PTRH2: variants seen among roughly 807,000 people sequenced by gnomAD.
The protein encoded by PTRH2 is peptidyl-tRNA hydrolase 2, mitochondrial.
PTRH2 carries 10 observed loss-of-function variants against 12.3 expected under a neutral mutation model. The observed-to-expected ratio is 0.81, with a 90% CI of 0.50 to 1.38. The LOEUF is 1.38. Among genes scored for constraint, PTRH2 ranks in the 40% most tolerant of loss-of-function variants. PTRH2 has a pLI of 0.00. For synonymous variants in PTRH2, 73 were observed against 77.4 expected (o/e 0.94, Z 0.30); for missense variants, 176 against 214.1 (o/e 0.82, Z 1.11).
intron 1 of PTRH2, among the ~76,000 whole-genome samples, chr17:59,702,401 G>A (rs543657438): frequency 1.2e-4 from 18 of 152,314 alleles, no homozygotes; most frequent in South Asian, 8.3e-4. Context: ...GTTCACACTC[G>A]CATGAGAATC....
chr17:59,704,501 T>C (rs1298796545), intron 1 of PTRH2, among the ~76,000 whole-genome samples: 1 of 152,198 alleles, frequency 6.6e-6, no homozygotes, highest in South Asian at 2.1e-4. Context: ...GACCTTACCA[T>C]ATAATTGAAG....
intron 1 of PTRH2, among the ~76,000 whole-genome samples, chr17:59,704,977 G>A (rs569281097): frequency 1.2e-4 from 18 of 152,070 alleles, no homozygotes; most frequent in Non-Finnish European, 1.6e-4. Flanking sequence ...TAGTAGAGAC[G>A]GGGTTTCACC....
rs1015756624 is a variant in PTRH2 at position 59,697,453 on chromosome 17, G to A, written c.526C>T (p.Leu176=). 1.6e-5 allele frequency: 25 copies of A among 1,609,886 alleles called. No individual in the cohort carries two copies. The highest frequency in any genetic ancestry group is 2.1e-5 in the Non-Finnish European group (25 of 1,176,750). Residue 176 remains leucine (L), a synonymous_variant, in exon 2 of 2, where the codon CTA becomes TTA. Coordinates refer to ENST00000393038, the MANE Select transcript of PTRH2 (RefSeq NM_016077.5). ...ADLIDKVTGH[L]KLY The stretch of plus-strand genomic sequence containing the variant: ...TCAAAGTCCACCTAGTAAAGTTTTA[G>A]GTGACCAGTGACTTTGTCAATTAGG...
intron 1 of PTRH2, chr17:59,698,723 GCCTA>G (rs2033498122): frequency 1.7e-6 from 1 of 590,796 alleles, no homozygotes; most frequent in Non-Finnish European, 3.0e-6. Context: ...ACTTAGCCTA[GCCTA>G]CCTTAAATGT....
At chr17:59,701,051 A>G (rs1297945000) in intron 1 of PTRH2, 2 of 152,252 alleles carry the variant, frequency 1.3e-5, no homozygotes, top group Admixed American at 6.5e-5. Context: ...CTTAGAAGCC[A>G]AAAGACTAAA....
At chr17:59,701,670 C>A (rs751943155) in intron 1 of PTRH2, among the ~76,000 whole-genome samples, 7 of 150,842 alleles carry the variant, frequency 4.6e-5, no homozygotes, top group Admixed American at 2.0e-4. Context: ...TTTTGAATTT[C>A]TTTCATGCTG....
rs532872512 is a variant in PTRH2, at chr17:59,706,752, C to T, written c.-1+619G>A. ...GCAATGGAGCGATATCGGCTCACTG[C>T]AACCTCCGCCTCCCGAGTTCAAGTC... On this transcript the variant is annotated intron_variant, in intron 1 of 1. Transcript: ENST00000393038. Among the ~76,000 whole-genome samples the T allele has an allele frequency of 3.3e-5, 5 of 151,646 alleles. No individual in the cohort carries two copies. The South Asian group carries it at 1.0e-3, about 31-fold the overall frequency.
Position 59,697,806 on chromosome 17 carries a change from A to G in PTRH2, c.173T>C (p.Ile58Thr). Residue 58 changes from isoleucine to threonine, a missense_variant, in exon 2 of 2, where the codon ATC becomes ACC. By Grantham distance (89) the Ile-to-Thr change is moderately conservative (BLOSUM62 -1). Coordinates refer to ENST00000393038, the MANE Select transcript of PTRH2 (RefSeq NM_016077.5). ...CTTGTACTCCCCGCTGTCTCCCAAG[A>G]TGCTTGCTTCACTTTCAGTATCTGT... is the stretch of plus-strand genomic sequence containing the variant. ...THTDTESEAS[I>T]LGDSGEYKMI... 6.2e-7 allele frequency: 1 copy of G among 1,614,144 alleles called. No individual in the cohort carries two copies. Among genetic ancestry groups the G allele is most frequent in the Non-Finnish European group, 8.5e-7 (1 of 1,180,026 alleles).
At chr17:59,698,930 GAATT>G in intron 1 of PTRH2, 3 of 713,924 alleles carry the variant, frequency 4.2e-6, no homozygotes, top group East Asian at 2.7e-5. Context: ...CACTGAAATA[GAATT>G]AATTGCTGGA....
intron 1 of PTRH2, among the ~76,000 whole-genome samples, chr17:59,705,654 C>G (rs1233382364): frequency 6.6e-6 from 1 of 152,080 alleles, no homozygotes; most frequent in Non-Finnish European, 1.5e-5. Flanking sequence ...GTCTGGAACT[C>G]CTGGCCTCAA....
chr17:59,697,678 T>G lies in PTRH2; in HGVS notation c.301A>C (p.Asn101His), dbSNP rs1567983968. Residue 101 changes from asparagine to histidine, a missense_variant, in exon 2 of 2, where the codon AAT becomes CAT. Physicochemically the swap from Asn to His is moderately conservative, Grantham distance 68. Transcript: ENST00000393038. ...VSAYKQIQRR[N>H]PEMLKQWEYC... ...TCCCATTGTTTGAGCATTTCAGGAT[T>G]TCTTCTTTGAATCTGCTTGTAGGCT... 1 of 1,614,126 alleles carries G rather than the reference T, an allele frequency of 6.2e-7. No individual in the cohort carries two copies. The highest frequency in any genetic ancestry group is 1.7e-5 in the Admixed American group (1 of 60,024).
chr17:59,703,911 G>A (rs1245828633), intron 1 of PTRH2, among the ~76,000 whole-genome samples: 1 of 151,836 alleles, frequency 6.6e-6, no homozygotes, highest in Non-Finnish European at 1.5e-5. Context: ...GGGTTCAAGT[G>A]CTTCTCCTGC....
intron 1 of PTRH2, among the ~76,000 whole-genome samples, chr17:59,703,443 CA>C (rs2033589068): frequency 1.3e-5 from 2 of 152,118 alleles, no homozygotes; most frequent in South Asian, 4.1e-4. Context: ...AAATGAGGTA[CA>C]CAAGTTATAG....
chr17:59,703,816 T>TC (rs1189619396), intron 1 of PTRH2, among the ~76,000 whole-genome samples: 1 of 148,382 alleles, frequency 6.7e-6, no homozygotes, highest in African/African-American at 2.5e-5. Flanking sequence ...GAGCCCTTGT[T>TC]CTTTTTTTTG....
intron 1 of PTRH2, among the ~76,000 whole-genome samples, chr17:59,702,762 T>A (rs2033576156): frequency 6.6e-6 from 1 of 152,236 alleles, no homozygotes. Flanking sequence ...GTAGTTTCGC[T>A]TAAGCTTTTT....
At chr17:59,706,986 T>C (rs1171479209) in intron 1 of PTRH2, among the ~76,000 whole-genome samples, 1 of 152,188 alleles carries the variant, frequency 6.6e-6, no homozygotes, top group Admixed American at 6.5e-5. Flanking sequence ...AATTTTCGAC[T>C]ATATTCTTAG....
chr17:59,698,010 C>A (rs749736670), intron 1 of PTRH2, 32 bp from the exon 2 acceptor site: 3 of 1,586,446 alleles, frequency 1.9e-6, no homozygotes, highest in Admixed American at 3.4e-5. Flanking sequence ...TATCACTATC[C>A]GGCAGTAACA....
At chr17:59,698,922 C>G (rs1235173572) in intron 1 of PTRH2, 3 of 715,554 alleles carry the variant, frequency 4.2e-6, no homozygotes, top group Non-Finnish European at 7.8e-6. Flanking sequence ...GTTTGAAGCA[C>G]TGAAATAGAA....
chr17:59,698,299 G>T, intron 1 of PTRH2: 1 of 335,172 alleles, frequency 3.0e-6, no homozygotes, highest in Admixed American at 4.5e-5. Flanking sequence ...AGATGCCTAA[G>T]ATTTAAAGAA....
Sources: allele counts gnomAD v4.1 joint callset (sites outside exome capture counted in the v4.1 genomes callset), GRCh38; gene constraint gnomAD v4.1.1; transcripts MANE v1.5; gene names NCBI Gene and HGNC (gene_info 2026-07-23, HGNC 2026-07-21).